The following DNAAF4 variants were observed in gnomAD, a reference collection of about 807,000 sequenced individuals.
DNAAF4 encodes the protein dynein axonemal assembly factor 4.
Under a neutral mutation model 51.8 loss-of-function variants are expected in DNAAF4, and 43 were observed. The ratio of observed to expected loss-of-function variants is 0.83; its 90% CI spans 0.65 to 1.07. The LOEUF (loss-of-function observed/expected upper bound fraction) is 1.07. Ranked by LOEUF, DNAAF4 falls within the 50% of genes least tolerant of loss-of-function variation. The pLI is 0.00. For missense variants in DNAAF4, 581 were observed against 493.0 expected (o/e 1.18, Z -1.69); for synonymous variants, 194 against 165.6 (o/e 1.17, Z -1.32).
chr15:55,422,997 AAAATAAAT>A (rs372582536), intron 7 of DNAAF4, among the ~76,000 whole-genome samples: 3 of 151,346 alleles, frequency 2.0e-5, no homozygotes, highest in Non-Finnish European at 4.4e-5. Context: ...CTCCGTCTCA[AAAATAAAT>A]AAATAAATAA....
intron 6 of DNAAF4, among the ~76,000 whole-genome samples, chr15:55,441,446 G>A (rs2057711709): frequency 6.6e-6 from 1 of 151,884 alleles, no homozygotes; most frequent in East Asian, 1.9e-4. Context: ...TAAGTTCTAG[G>A]GTACATGTGC....
chr15:55,503,621 T>C (rs2058711149), intron 1 of DNAAF4, among the ~76,000 whole-genome samples: 1 of 152,240 alleles, frequency 6.6e-6, no homozygotes, highest in African/African-American at 2.4e-5. Context: ...TGGTTCAATA[T>C]ACGCAAATCA....
At chr15:55,477,536 G>T (rs1023473780) in intron 4 of DNAAF4, among the ~76,000 whole-genome samples, 3 of 152,050 alleles carry the variant, frequency 2.0e-5, no homozygotes, top group Non-Finnish European at 2.9e-5. Flanking sequence ...TACTGGAACT[G>T]AGTCAGTATT....
At chr15:55,452,766 G>T (rs2057955410) in intron 5 of DNAAF4, among the ~76,000 whole-genome samples, 2 of 152,140 alleles carry the variant, frequency 1.3e-5, no homozygotes, top group Non-Finnish European at 2.9e-5. Context: ...TAAAGCCAGG[G>T]TCATCTCAAA....
chr15:55,487,144 T>G lies in DNAAF4; in HGVS notation c.405+3979A>C, dbSNP rs148919216. The stretch of plus-strand genomic sequence containing the variant: ...GGGTCAAGTGGGGACTTGGAGAACT[T>G]TTCCTGTCTAGCTAAAGGATTGTAA... On this transcript the variant is annotated intron_variant, in intron 4 of 9. Transcript: ENST00000321149. Among the ~76,000 whole-genome samples the G allele has an allele frequency of 1.0e-3, 159 of 152,300 alleles. 1 individual carries two copies. Among genetic ancestry groups the G allele is most frequent in the African/African-American group, 3.5e-3 (145 of 41,576 alleles).
intron 7 of DNAAF4, among the ~76,000 whole-genome samples, chr15:55,435,518 T>C (rs952904812): frequency 6.6e-6 from 1 of 152,134 alleles, no homozygotes; most frequent in Admixed American, 6.6e-5. Context: ...AAGCTGATAC[T>C]ATGGAAATAT....
At chr15:55,453,743 G>A (rs2141470285) in intron 5 of DNAAF4, among the ~76,000 whole-genome samples, 1 of 151,526 alleles carries the variant, frequency 6.6e-6, no homozygotes, top group Non-Finnish European at 1.5e-5. Context: ...GTAGAGACGG[G>A]GTTTCACCGG....
chr15:55,491,404 G>C (rs2058569390), intron 3 of DNAAF4, 148 bp from the exon 4 acceptor site: 3 of 772,608 alleles, frequency 3.9e-6, no homozygotes, highest in Admixed American at 3.1e-5. Flanking sequence ...TATTAAACTG[G>C]CCAAGAAGCT....
At chr15:55,436,233 C>A (rs570181884) in intron 7 of DNAAF4, among the ~76,000 whole-genome samples, 2 of 152,250 alleles carry the variant, frequency 1.3e-5, no homozygotes, top group African/African-American at 4.8e-5. Context: ...AGTAGCCATC[C>A]TAATGGGTGT....
At chr15:55,487,886 T>G (rs950772196) in intron 4 of DNAAF4, among the ~76,000 whole-genome samples, 1 of 152,180 alleles carries the variant, frequency 6.6e-6, no homozygotes, top group Non-Finnish European at 1.5e-5. Context: ...CCAAGAAGTA[T>G]AGTCTATTTT....
chr15:55,423,413 T>C (rs1032126847), intron 7 of DNAAF4, among the ~76,000 whole-genome samples: 4 of 152,050 alleles, frequency 2.6e-5, no homozygotes, highest in Non-Finnish European at 5.9e-5. Context: ...GGTCTCGCTA[T>C]GTTGCTTAGG....
At chr15:55,469,051 C>G (rs561401003) in intron 4 of DNAAF4, among the ~76,000 whole-genome samples, 2 of 152,000 alleles carry the variant, frequency 1.3e-5, no homozygotes, top group African/African-American at 4.8e-5. Flanking sequence ...TGTACAGTGA[C>G]CGGGCGCGGT....
intron 4 of DNAAF4, among the ~76,000 whole-genome samples, chr15:55,485,913 T>G (rs2058480713): frequency 7.0e-6 from 1 of 141,940 alleles, no homozygotes; most frequent in Non-Finnish European, 1.5e-5. Flanking sequence ...GAGAATGGCA[T>G]GAACCCAGGA....
At chr15:55,462,928 C>T (rs891803814) in intron 5 of DNAAF4, among the ~76,000 whole-genome samples, 3 of 152,072 alleles carry the variant, frequency 2.0e-5, no homozygotes, top group Non-Finnish European at 2.9e-5. Context: ...CCCAGCACTT[C>T]GGGAAGCCGA....
intron 8 of DNAAF4, 96 bp downstream of exon 8, chr15:55,434,809 T>C: frequency 1.9e-6 from 2 of 1,043,572 alleles, no homozygotes; most frequent in Non-Finnish European, 2.6e-6. Flanking sequence ...TCTTTGCATC[T>C]CAATTATTTC....
At position 55,443,045 on chromosome 15, in the gene DNAAF4, GTTC is replaced by G. The variant is rs969306451; in HGVS notation, c.784-3467_784-3465del. 6 of 1,610,890 alleles carry G rather than the reference GTTC, an allele frequency of 3.7e-6. No individual in the cohort carries two copies. The Admixed American group carries it at 6.7e-5, about 18-fold the overall frequency. On this transcript the variant is annotated intron_variant, in intron 6 of 9. Transcript: ENST00000321149. ...GTGAAGAGCTGGGCCTGTGACACTT[GTTC>G]TTCTTTCATAAGCTTTGGGTCAAGA...
chr15:55,495,851 A>G (rs1176938706), intron 3 of DNAAF4, among the ~76,000 whole-genome samples: 1 of 152,256 alleles, frequency 6.6e-6, no homozygotes, highest in Non-Finnish European at 1.5e-5. Context: ...GAGGACAATT[A>G]CTGACTATGG....
chr15:55,426,010 A>G (rs1394554331), downstream of DNAAF4, among the ~76,000 whole-genome samples: 1 of 152,206 alleles, frequency 6.6e-6, no homozygotes, highest in African/African-American at 2.4e-5. Context: ...AGACTGCCCA[A>G]GCATTTGGGA....
At chr15:55,466,620 A>G (rs2058174096) in intron 5 of DNAAF4, among the ~76,000 whole-genome samples, 1 of 152,024 alleles carries the variant, frequency 6.6e-6, no homozygotes, top group Non-Finnish European at 1.5e-5. Context: ...TTGCTAGTCC[A>G]CTCCAAGTCT....
Sources: gnomAD v4.1 joint callset for allele counts (sites outside exome capture counted in the v4.1 genomes callset) on GRCh38, gnomAD v4.1.1 for gene constraint, MANE v1.5 for transcripts, NCBI Gene and HGNC (gene_info 2026-07-23, HGNC 2026-07-21) for gene names.